URB1: variants seen among roughly 807,000 people sequenced by gnomAD.
URB1 encodes URB1 ribosome biogenesis factor.
Under a neutral mutation model 242.3 loss-of-function variants are expected in URB1, and 197 were observed. The observed-to-expected ratio is 0.81, with a 90% confidence interval of 0.72 to 0.91. The LOEUF is 0.91. URB1 is among the 40% of genes least tolerant of loss of function. The probability of loss-of-function intolerance (pLI) is 0.00; values close to 1 mark genes in which losing one functional copy is unlikely to be tolerated. For missense variants in URB1, 2,721 were observed against 2,860.5 expected (o/e 0.95, Z 1.11); for synonymous variants, 1,153 against 1,201.8 (o/e 0.96, Z 0.84).
At position 32,360,975 on chromosome 21, in the gene URB1, T is replaced by C. The variant is rs770407818; in HGVS notation, c.1756+32A>G. The C allele has an allele frequency of 2.7e-6, 4 of 1,467,580 alleles. No individual in the cohort carries two copies. In the South Asian group the frequency reaches 3.8e-5, roughly 14 times the overall value. 90.9% of individuals were successfully genotyped at this position (1,467,580 alleles called of 1,614,324 possible). A position where few individuals can be genotyped will look rare whatever the true frequency, so the allele number is the denominator to read the frequency against. ...TGCTCTGGTTTATTGGCAGCAACAGTGGCGGCTTGTCTGCAAGACCTTGAA... is the reference window on the plus strand; with the variant it reads ...TGCTCTGGTTTATTGGCAGCAACAGCGGCGGCTTGTCTGCAAGACCTTGAA... On this transcript the variant is annotated intron_variant, in intron 13 of 38. Transcript: ENST00000382751.
At chr21:32,364,334 G>A (rs1031384995) in intron 10 of URB1, among the ~76,000 whole-genome samples, 13 of 152,068 alleles carry the variant, frequency 8.5e-5, no homozygotes, top group African/African-American at 2.2e-4. Context: ...CCCAGGCCCC[G>A]GCCCACACAA....
At chr21:32,372,287 G>A (rs778257935) in intron 8 of URB1, among the ~76,000 whole-genome samples, 1 of 152,204 alleles carries the variant, frequency 6.6e-6, no homozygotes, top group African/African-American at 2.4e-5. Flanking sequence ...AATATCCCAT[G>A]ACCTAACTAA....
intron 36 of URB1, 84 bp from the exon 37 acceptor site, chr21:32,318,001 C>T: frequency 6.6e-7 from 1 of 1,505,256 alleles, no homozygotes; most frequent in Non-Finnish European, 8.9e-7. Context: ...GACGACATCA[C>T]ACACCCAGAG....
chr21:32,320,421 A>G, intron 35 of URB1, 110 bp downstream of exon 35: 1 of 821,810 alleles, frequency 1.2e-6, no homozygotes, highest in Non-Finnish European at 1.9e-6. Flanking sequence ...TTCAGAGAGC[A>G]TGGATTTTAC....
intron 8 of URB1, among the ~76,000 whole-genome samples, chr21:32,369,319 C>T (rs576843014): frequency 6.6e-6 from 1 of 152,230 alleles, no homozygotes; most frequent in South Asian, 2.1e-4. Context: ...GCTGAGATTG[C>T]ACCACTGCAC....
intron 8 of URB1, 138 bp from the exon 9 acceptor site, chr21:32,368,736 T>G: frequency 1.3e-6 from 1 of 741,816 alleles, no homozygotes; most frequent in Non-Finnish European, 2.1e-6. Flanking sequence ...CCCCAGGACG[T>G]AAAGTGGGGG....
At position 32,338,820 on chromosome 21, in the gene URB1, C is replaced by G; in HGVS notation, c.4397G>C (p.Arg1466Pro). The change falls in exon 26 of 39, where the codon CGC (arginine) becomes CCC (proline). Residue 1466 changes from arginine to proline, a missense_variant. Physicochemically the swap from Arg to Pro is moderately radical, Grantham distance 103. Transcript: ENST00000382751. ...CACCGGGAGCTGGATGAGCTTCGTG[C>G]GCACGGAGCTTTCTGGGCTGTACAG... ...QLLYSPESSV[R>P]TKLIQLPVVY... is the part of the protein sequence containing the mutation. The G allele has an allele frequency of 2.6e-6, 4 of 1,551,462 alleles. No individual in the cohort carries two copies. The highest frequency in any genetic ancestry group is 3.5e-6 in the Non-Finnish European group (4 of 1,146,970).
intron 8 of URB1, among the ~76,000 whole-genome samples, chr21:32,371,609 T>C (rs574681105): frequency 6.6e-6 from 1 of 152,308 alleles, no homozygotes; most frequent in African/African-American, 2.4e-5. Flanking sequence ...GTTATTCCAT[T>C]CTGAAGGAAT....
chr21:32,324,433 T>C lies in URB1; in HGVS notation c.5233+58A>G, dbSNP rs201572639. On this transcript the variant is annotated intron_variant, in intron 32 of 38. Coordinates refer to ENST00000382751, the MANE Select transcript of URB1 (RefSeq NM_014825.3). ...TACCTGTGGGACTAATCCCTAGAAGTAGACTTGCTCAGCTTCAGCTTTTCA... is the reference window on the plus strand; with the variant it reads ...TACCTGTGGGACTAATCCCTAGAAGCAGACTTGCTCAGCTTCAGCTTTTCA... 307 of 1,388,488 alleles carry C rather than the reference T, an allele frequency of 2.2e-4. 1 individual carries two copies. Among genetic ancestry groups the C allele is most frequent in the South Asian group, 1.3e-3 (105 of 80,668 alleles). The allele number at this position is 1,388,488 out of a possible 1,614,324, so 86.0% of individuals were successfully genotyped here. A position where few individuals can be genotyped will look rare whatever the true frequency, so the allele number is the denominator to read the frequency against.
In URB1 at chr21:32,337,473, G is replaced by A; in HGVS notation, c.4552C>T (p.Pro1518Ser). 1.3e-6 allele frequency: 2 copies of A among 1,551,122 alleles called. No individual in the cohort carries two copies. Among genetic ancestry groups the A allele is most frequent in the South Asian group, 2.4e-5 (2 of 83,984 alleles). Reference sequence around the variant, plus strand: ...AAGTGGCTGCTCTCACAGACAGAGGGGCACATCTCCACCACCGTCAGCATC... The same window carrying A: ...AAGTGGCTGCTCTCACAGACAGAGGAGCACATCTCCACCACCGTCAGCATC... Reference protein sequence around the residue: ...DLMLTVVEMCPSVCESSHFAV... With the variant: ...DLMLTVVEMCSSVCESSHFAV... The change falls in exon 27 of 39, where the codon CCC becomes TCC. Residue 1518 changes from proline to serine, a missense_variant. By Grantham distance (74) the Pro-to-Ser change is moderately conservative. Transcript: ENST00000382751.
At position 32,364,166 on chromosome 21, in the gene URB1, C is replaced by CT. The variant is rs144929124; in HGVS notation, c.1336-838dup. Among the ~76,000 whole-genome samples, 444 of 152,224 alleles carry CT rather than the reference C, an allele frequency of 2.9e-3. 1 individual carries two copies. Among genetic ancestry groups the CT allele is most frequent in the African/African-American group, 9.9e-3 (412 of 41,554 alleles). ...TCTTGACTTCCAGTCAGAATGACACCTGGGAGAGTCACTCACTGCAGAGAC... is the reference window on the plus strand; with the variant it reads ...TCTTGACTTCCAGTCAGAATGACACCTTGGGAGAGTCACTCACTGCAGAGAC... On this transcript the variant is annotated intron_variant, in intron 10 of 38. Coordinates refer to ENST00000382751, the MANE Select transcript of URB1 (RefSeq NM_014825.3).
At chr21:32,359,340 A>G (rs1331043283) in intron 14 of URB1, among the ~76,000 whole-genome samples, 1 of 152,110 alleles carries the variant, frequency 6.6e-6, no homozygotes, top group South Asian at 2.1e-4. Flanking sequence ...TCTGGTAGAT[A>G]TTTTATTAAA....
rs1438725953 is a variant in URB1 at position 32,350,739 on chromosome 21, G to A, written c.2797C>T (p.Leu933Phe). 1 of 1,551,544 alleles carries A rather than the reference G, an allele frequency of 6.4e-7. No individual in the cohort carries two copies. Among genetic ancestry groups the A allele is most frequent in the South Asian group, 1.2e-5 (1 of 84,050 alleles). Residue 933 changes from leucine to phenylalanine, a missense_variant, in exon 20 of 39, where the codon CTC (leucine) becomes TTC (phenylalanine). Coordinates refer to ENST00000382751, the MANE Select transcript of URB1 (RefSeq NM_014825.3). ...QVLLAAKQVL[L>F]YLRSTVENFG... ...TTCTCCACAGTGCTCCGCAGGTAGA[G>A]CAACACCTGCTTGGCCGCGAGCAGG...
intron 19 of URB1, among the ~76,000 whole-genome samples, chr21:32,352,143 G>A (rs2033165240): frequency 1.3e-5 from 2 of 152,196 alleles, no homozygotes; most frequent in Non-Finnish European, 2.9e-5. Context: ...AAAATGAAAT[G>A]AATGCACAAA....
intron 26 of URB1, among the ~76,000 whole-genome samples, chr21:32,337,828 C>T (rs939589422): frequency 2.0e-5 from 3 of 151,928 alleles, no homozygotes; most frequent in African/African-American, 7.3e-5. Flanking sequence ...CAGCCCCCCA[C>T]GTGTTTTTCA....
rs752139552 is a variant in URB1, at chr21:32,352,905, C to A, written c.2418G>T (p.Ala806=). Reference sequence around the variant, plus strand: ...CCGTCAGATATGTCACAACGTTTTCCGCTGCAAAGGAACGAGATGCATATG... The same window carrying A: ...CCGTCAGATATGTCACAACGTTTTCAGCTGCAAAGGAACGAGATGCATATG... ...KLLLGTGNEA[A]ENVVTYLTAV... The change falls in exon 19 of 39, where the codon GCG becomes GCT. Residue 806 remains alanine, a splice_region_variant and synonymous_variant. Coordinates refer to ENST00000382751, the MANE Select transcript of URB1 (RefSeq NM_014825.3). The A allele has an allele frequency of 6.5e-7, 1 of 1,542,958 alleles. No individual in the cohort carries two copies. Among genetic ancestry groups the A allele is most frequent in the South Asian group, 1.2e-5 (1 of 82,752 alleles).
At chr21:32,324,787 T>C (rs2032809914) in intron 31 of URB1, among the ~76,000 whole-genome samples, 185 bp from the exon 32 acceptor site, 1 of 152,030 alleles carries the variant, frequency 6.6e-6, no homozygotes, top group Non-Finnish European at 1.5e-5. Context: ...ACGCTTTTCG[T>C]TTTTATTTTA....
At position 32,314,404 on chromosome 21, in the gene URB1, C is replaced by G; in HGVS notation, c.*514G>C. The G allele has an allele frequency of 1.5e-6, 1 of 674,286 alleles. No homozygotes were observed. Among genetic ancestry groups the G allele is most frequent in the Non-Finnish European group, 2.7e-6 (1 of 370,684 alleles). The allele number at this position is 674,286 out of a possible 1,614,324, so 41.8% of individuals were successfully genotyped here. A position where few individuals can be genotyped will look rare whatever the true frequency, so the allele number is the denominator to read the frequency against. ...TTCACCATGTTGGGAAGGCTGGTTT[C>G]GAACTCCTGACCTCAGGTGATTCAC... On this transcript the variant is annotated 3_prime_UTR_variant, in exon 39 of 39. Coordinates refer to ENST00000382751, the MANE Select transcript of URB1 (RefSeq NM_014825.3).
At chr21:32,376,844 G>A (rs1200558192) in intron 5 of URB1, among the ~76,000 whole-genome samples, 1 of 151,934 alleles carries the variant, frequency 6.6e-6, no homozygotes, top group Non-Finnish European at 1.5e-5. Flanking sequence ...TGTTTTGGTA[G>A]AGACAGAATC....
Sources: gnomAD v4.1 joint callset for allele counts (sites outside exome capture counted in the v4.1 genomes callset) on GRCh38, gnomAD v4.1.1 for gene constraint, MANE v1.5 for transcripts, NCBI Gene and HGNC (gene_info 2026-07-23, HGNC 2026-07-21) for gene names.